The following OVCH1 variants were observed in gnomAD, a reference collection of about 807,000 sequenced individuals.
OVCH1 encodes the protein ovochymase-1.
A neutral mutation model predicts 138.4 loss-of-function variants in OVCH1; 139 were observed. The ratio of observed to expected loss-of-function variants is 1.00; its 90% CI spans 0.87 to 1.16. OVCH1 has a LOEUF of 1.16. Ranked by LOEUF, OVCH1 falls within the 50% of genes most tolerant of loss-of-function variation. OVCH1 has a pLI of 0.00. For synonymous variants in OVCH1, 453 were observed against 467.8 expected (o/e 0.97, Z 0.41); for missense variants, 1,367 against 1,357.9 (o/e 1.01, Z -0.11).
Position 29,476,995 on chromosome 12 carries a change from A to C in OVCH1, c.1377+107T>G, listed in dbSNP as rs1237399152. Reference sequence around the variant, plus strand: ...TAAAAAAAAATGGCAAATGGCTAAAAGAAGCTCCTAGTCATAATGGCAATT... The same window carrying C: ...TAAAAAAAAATGGCAAATGGCTAAACGAAGCTCCTAGTCATAATGGCAATT... On this transcript the variant is annotated intron_variant, in intron 12 of 27. Transcript: ENST00000318184. 1.2e-5 allele frequency: 16 copies of C among 1,298,522 alleles called. No individual in the cohort carries two copies. In the East Asian group the frequency reaches 4.2e-4, roughly 34 times the overall value. 80.4% of individuals were successfully genotyped at this position (1,298,522 alleles called of 1,614,324 possible). A position where few individuals can be genotyped will look rare whatever the true frequency, so the allele number is the denominator to read the frequency against.
chr12:29,481,415 TA>T (rs1310678066), intron 8 of OVCH1, among the ~76,000 whole-genome samples: 13 of 152,292 alleles, frequency 8.5e-5, no homozygotes, highest in African/African-American at 2.6e-4. Flanking sequence ...AAAGTCTTAT[TA>T]ATCTCTGGTT....
exon 8 of OVCH1, chr12:29,486,321 T>G (rs1365310608): frequency 6.2e-7 from 1 of 1,613,660 alleles, no homozygotes; most frequent in Non-Finnish European, 8.5e-7. Context: ...TGAGCCCACT[T>G]TTGAGAGGGG....
At chr12:29,476,324 G>A (rs781193882) in intron 12 of OVCH1, 25 bp from the exon 13 acceptor site, 5 of 1,562,408 alleles carry the variant, frequency 3.2e-6, no homozygotes, top group Admixed American at 3.3e-5. Context: ...ACATAACCAG[G>A]GAAATGGTCA....
chr12:29,408,177 A>T, downstream of OVCH1, among the ~76,000 whole-genome samples: 1 of 127,932 alleles, frequency 7.8e-6, no homozygotes, highest in Non-Finnish European at 1.9e-5. Context: ...GACTTTGCTG[A>T]AGTTGCTTAT....
chr12:29,411,486 G>T, downstream of OVCH1, among the ~76,000 whole-genome samples: 1 of 151,906 alleles, frequency 6.6e-6, no homozygotes. Flanking sequence ...TTTTTGGTGT[G>T]GATGTCCTTT....
intron 14 of OVCH1, among the ~76,000 whole-genome samples, chr12:29,474,354 T>A (rs1323007372): frequency 6.6e-6 from 1 of 152,170 alleles, no homozygotes; most frequent in Non-Finnish European, 1.5e-5. Flanking sequence ...GTTACTTAAC[T>A]TCTCAAAGCC....
intron 5 of OVCH1, 94 bp downstream of exon 5, chr12:29,491,003 T>C (rs1943257076): frequency 1.0e-6 from 1 of 967,280 alleles, no homozygotes; most frequent in Non-Finnish European, 1.6e-6. Flanking sequence ...TAAAAAATGA[T>C]AAATGTACTA....
chr12:29,460,483 C>A (rs1942094673), intron 19 of OVCH1, among the ~76,000 whole-genome samples: 1 of 152,094 alleles, frequency 6.6e-6, no homozygotes, highest in African/African-American at 2.4e-5. Flanking sequence ...CATGTCCTGG[C>A]TCTGTGCCTG....
chr12:29,404,310 A>T, the OVCH1 span, among the ~76,000 whole-genome samples: 1 of 152,168 alleles, frequency 6.6e-6, no homozygotes, highest in Admixed American at 6.5e-5. Context: ...TGCCGGGCAC[A>T]TTGCGGTGGT....
At chr12:29,465,191 T>C in exon 17 of OVCH1, 2 of 1,605,158 alleles carry the variant, frequency 1.2e-6, no homozygotes, top group Non-Finnish European at 1.7e-6. Flanking sequence ...TCCCCAGCAA[T>C]AATAGTCCAG....
At chr12:29,451,610 T>C (rs1237623068) in intron 21 of OVCH1, 41 bp from the exon 22 acceptor site, 1 of 1,495,926 alleles carries the variant, frequency 6.7e-7, no homozygotes, top group Non-Finnish European at 9.1e-7. Context: ...CCAACATAAA[T>C]AAAGCAAAGA....
intron 19 of OVCH1, among the ~76,000 whole-genome samples, chr12:29,456,670 A>T (rs985582370): frequency 6.6e-6 from 1 of 152,232 alleles, no homozygotes; most frequent in Non-Finnish European, 1.5e-5. Flanking sequence ...CAATGGCAGC[A>T]CCAAATACAT....
chr12:29,411,786 G>A (rs889831641), downstream of OVCH1, among the ~76,000 whole-genome samples: 12 of 61,242 alleles, frequency 2.0e-4, no homozygotes, highest in Non-Finnish European at 4.8e-4. Flanking sequence ...CAGTCTGCCT[G>A]TTCTCAGATA....
chr12:29,436,062 C>G (rs778038528), intron 26 of OVCH1, among the ~76,000 whole-genome samples: 1 of 152,030 alleles, frequency 6.6e-6, no homozygotes, highest in Non-Finnish European at 1.5e-5. Context: ...GATTTTCTCA[C>G]TCAATATGAC....
At chr12:29,442,342 A>G (rs1266304023) in intron 25 of OVCH1, among the ~76,000 whole-genome samples, 1 of 148,510 alleles carries the variant, frequency 6.7e-6, no homozygotes, top group Non-Finnish European at 1.5e-5. Flanking sequence ...TGAAATTGGA[A>G]ATCATCATTC....
downstream of OVCH1, among the ~76,000 whole-genome samples, chr12:29,408,588 C>T (rs2135862424): frequency 7.6e-6 from 1 of 130,794 alleles, no homozygotes; most frequent in East Asian, 2.1e-4. Flanking sequence ...GTCTTTGGTT[C>T]TGTTTATATG....
intron 13 of OVCH1, among the ~76,000 whole-genome samples, 178 bp downstream of exon 13, chr12:29,476,028 C>G (rs992914482): frequency 1.3e-5 from 2 of 152,190 alleles, no homozygotes; most frequent in Non-Finnish European, 2.9e-5. Context: ...AAAAACTTTA[C>G]TGGCGAATTA....
chr12:29,415,207 C>A (rs1941016537), intron 3 of OVCH1, among the ~76,000 whole-genome samples: 1 of 152,042 alleles, frequency 6.6e-6, no homozygotes, highest in Non-Finnish European at 1.5e-5. Context: ...GAAGCACAGT[C>A]CTCGGAGAAC....
chr12:29,487,123 G>A (rs1478767125), intron 7 of OVCH1: 4 of 223,826 alleles, frequency 1.8e-5, no homozygotes, highest in Admixed American at 1.6e-4. Context: ...TCTGGGTCTT[G>A]TCATTTTAAA....
Sources: allele counts gnomAD v4.1 joint callset (sites outside exome capture counted in the v4.1 genomes callset), GRCh38; gene constraint gnomAD v4.1.1; transcripts MANE v1.5; gene names NCBI Gene and HGNC (gene_info 2026-07-23, HGNC 2026-07-21).